PALM2AKAP2: variants seen among roughly 807,000 people sequenced by gnomAD.
PALM2AKAP2 encodes PALM2 and AKAP2 fusion.
In PALM2AKAP2, 37 loss-of-function variants were observed where a neutral mutation model predicts 71.5. That is an observed-to-expected ratio of 0.52 (90% confidence interval 0.40 to 0.68). The LOEUF is 0.68. PALM2AKAP2 is among the 30% of genes least tolerant of loss of function. The pLI is 0.00. For missense variants in PALM2AKAP2, 1,224 were observed against 1,191.8 expected (o/e 1.03, Z -0.40); for synonymous variants, 468 against 478.8 (o/e 0.98, Z 0.29).
intron 1 of PALM2AKAP2, 48 bp downstream of exon 1, chr9:109,780,581 AG>A (rs769539078): frequency 3.7e-6 from 6 of 1,612,314 alleles, no homozygotes; most frequent in Non-Finnish European, 5.1e-6. Flanking sequence ...CTGGGGTGGA[AG>A]GGGGCCCCCG....
intron 1 of PALM2AKAP2, among the ~76,000 whole-genome samples, chr9:110,089,113 C>G (rs990333261): frequency 6.6e-6 from 1 of 152,122 alleles, no homozygotes; most frequent in Non-Finnish European, 1.5e-5. Flanking sequence ...CAGCCTATGG[C>G]TAGGAGCACC....
chr9:109,823,001 T>C (rs1297841441), intron 1 of PALM2AKAP2, among the ~76,000 whole-genome samples: 1 of 152,212 alleles, frequency 6.6e-6, no homozygotes, highest in Non-Finnish European at 1.5e-5. Context: ...CTCTGCTTTC[T>C]GGTCCATGAG....
chr9:110,097,599 G>T (rs1416420109), intron 1 of PALM2AKAP2, among the ~76,000 whole-genome samples: 1 of 149,946 alleles, frequency 6.7e-6, no homozygotes, highest in East Asian at 1.9e-4. Context: ...TTCCTAGATG[G>T]GATGGCGGCC....
In PALM2AKAP2 at chr9:110,023,305, C is replaced by CTTTTTTTTTTTTTTTTT. The variant is rs149672913; in HGVS notation, c.582+7276_582+7292dup. Among the ~76,000 whole-genome samples, 19 of 74,044 alleles carry CTTTTTTTTTTTTTTTTT rather than the reference C, an allele frequency of 2.6e-4. 2 individuals carry two copies. The highest frequency in any genetic ancestry group is 8.0e-4 in the African/African-American group (13 of 16,186). The allele number at this position is 74,044 out of a possible 152,430, so 48.6% of individuals were successfully genotyped here. On this transcript the variant is annotated intron_variant, in intron 7 of 9. Transcript: ENST00000302798. ...GTGAGATGGTATCTCATTGTGGTTTCTTTTTTTTTTTTTTTTTTTTTTTTT... is the reference window on the plus strand; with the variant it reads ...GTGAGATGGTATCTCATTGTGGTTTCTTTTTTTTTTTTTTTTTTTTTTTTTTTTTTTTTTTTTTTTTT...
intron 1 of PALM2AKAP2, among the ~76,000 whole-genome samples, chr9:110,088,125 C>T (rs1834613405): frequency 2.0e-5 from 3 of 152,146 alleles, no homozygotes; most frequent in African/African-American, 7.2e-5. Context: ...AAAATGAAAG[C>T]ACACACCACA....
At chr9:109,962,433 C>A (rs1831867276) in intron 6 of PALM2AKAP2, among the ~76,000 whole-genome samples, 1 of 152,138 alleles carries the variant, frequency 6.6e-6, no homozygotes, top group African/African-American at 2.4e-5. Context: ...ATTATGTCCA[C>A]TTATTTAAGT....
intron 1 of PALM2AKAP2, among the ~76,000 whole-genome samples, chr9:109,862,423 T>C (rs1430513263): frequency 6.6e-6 from 1 of 152,246 alleles, no homozygotes; most frequent in East Asian, 1.9e-4. Context: ...TCAATGTAGA[T>C]GCATTTCTTT....
chr9:109,656,705 G>T (rs73526926), intron 1 of PALM2AKAP2, among the ~76,000 whole-genome samples: 1,708 of 152,322 alleles, frequency 0.011, 35 homozygotes, highest in African/African-American at 0.038. Context: ...GAGGAGGCTG[G>T]AGACCTGTTG....
chr9:110,104,904 CAT>C (rs1418254526), intron 1 of PALM2AKAP2, among the ~76,000 whole-genome samples: 1 of 152,220 alleles, frequency 6.6e-6, no homozygotes, highest in African/African-American at 2.4e-5. Context: ...ACAGGTGTGT[CAT>C]ATGCATCCAG....
At chr9:110,039,019 G>A (rs1412861608) in intron 7 of PALM2AKAP2, among the ~76,000 whole-genome samples, 1 of 151,786 alleles carries the variant, frequency 6.6e-6, no homozygotes, top group Non-Finnish European at 1.5e-5. Context: ...AGAAGCCAAG[G>A]CGGGGAATTG....
intron 1 of PALM2AKAP2, among the ~76,000 whole-genome samples, chr9:109,722,942 G>A (rs909246546): frequency 6.6e-6 from 1 of 152,130 alleles, no homozygotes; most frequent in African/African-American, 2.4e-5. Context: ...TGCCTCATGT[G>A]TGATTCCATT....
chr9:110,146,454 C>T (rs140951451), intron 2 of PALM2AKAP2, among the ~76,000 whole-genome samples: 1,608 of 152,274 alleles, frequency 0.011, 27 homozygotes, highest in African/African-American at 0.037. Context: ...TGCATGGCCT[C>T]TCCATGCTGC....
chr9:110,146,527 A>T (rs756592680), intron 2 of PALM2AKAP2, among the ~76,000 whole-genome samples: 2 of 152,196 alleles, frequency 1.3e-5, no homozygotes, highest in Non-Finnish European at 2.9e-5. Context: ...ACAGATGCAT[A>T]GTTTTCAGGT....
intron 1 of PALM2AKAP2, among the ~76,000 whole-genome samples, chr9:110,073,157 A>T (rs1834243606): frequency 6.6e-6 from 1 of 152,196 alleles, no homozygotes; most frequent in African/African-American, 2.4e-5. Context: ...CAAAACACAG[A>T]ATGAGTCTTT....
At chr9:109,999,552 C>T (rs1393793737) in intron 6 of PALM2AKAP2, among the ~76,000 whole-genome samples, 2 of 152,060 alleles carry the variant, frequency 1.3e-5, no homozygotes, top group Non-Finnish European at 2.9e-5. Flanking sequence ...TTTTCTCCTT[C>T]GGCACTCTCT....
At chr9:109,694,933 CTTAA>C (rs956629608) in intron 1 of PALM2AKAP2, among the ~76,000 whole-genome samples, 10 of 152,010 alleles carry the variant, frequency 6.6e-5, no homozygotes, top group African/African-American at 1.2e-4. Flanking sequence ...GAAATGATGA[CTTAA>C]TTAATGCATG....
chr9:110,050,558 G>A (rs1191962233), intron 1 of PALM2AKAP2, among the ~76,000 whole-genome samples: 1 of 152,140 alleles, frequency 6.6e-6, no homozygotes, highest in African/African-American at 2.4e-5. Flanking sequence ...TTTAAGCAAT[G>A]CTCCGCTGCC....
At chr9:110,012,925 G>T (rs1416611581) in intron 6 of PALM2AKAP2, among the ~76,000 whole-genome samples, 1 of 152,128 alleles carries the variant, frequency 6.6e-6, no homozygotes, top group Non-Finnish European at 1.5e-5. Flanking sequence ...CATAGTTAAA[G>T]GTAAAAATAC....
chr9:110,100,529 A>G (rs1041039163), intron 1 of PALM2AKAP2, among the ~76,000 whole-genome samples: 2 of 152,158 alleles, frequency 1.3e-5, no homozygotes, highest in African/African-American at 4.8e-5. Flanking sequence ...GGGGTCTGAG[A>G]AAGGCCACTG....
Sources: allele counts gnomAD v4.1 joint callset (sites outside exome capture counted in the v4.1 genomes callset), GRCh38; gene constraint gnomAD v4.1.1; transcripts MANE v1.5; gene names NCBI Gene and HGNC (gene_info 2026-07-23, HGNC 2026-07-21).